UMAD1: variants seen among roughly 807,000 people sequenced by gnomAD.
UMAD1 encodes UBAP1-MVB12-associated (UMA)-domain containing protein 1.
A neutral mutation model predicts 6.1 loss-of-function variants in UMAD1; 8 were observed. That is an observed-to-expected ratio of 1.30 (90% confidence interval 0.76 to 2.35). UMAD1 has a LOEUF of 2.35. Among genes scored for constraint, UMAD1 ranks in the 30% most tolerant of loss-of-function variants. UMAD1 has a pLI of 0.00. For missense variants in UMAD1, 130 were observed against 78.4 expected (o/e 1.66, Z -2.49); for synonymous variants, 56 against 31.4 (o/e 1.78, Z -2.61).
At chr7:7,649,237 A>T (rs1225375932) in intron 1 of UMAD1, among the ~76,000 whole-genome samples, 1 of 151,966 alleles carries the variant, frequency 6.6e-6, no homozygotes, top group East Asian at 1.9e-4. Context: ...AGAGGCTTGG[A>T]TGTCCAAGGT....
intron 3 of UMAD1, among the ~76,000 whole-genome samples, chr7:7,848,517 C>T (rs1251253294): frequency 1.3e-5 from 2 of 152,028 alleles, no homozygotes. Flanking sequence ...AGGGTAGAGT[C>T]AAATAACACT....
chr7:7,748,158 A>AT (rs1236484751), intron 2 of UMAD1, among the ~76,000 whole-genome samples: 4 of 147,534 alleles, frequency 2.7e-5, no homozygotes, highest in Non-Finnish European at 4.4e-5. Flanking sequence ...GTTGGCCAGG[A>AT]TGGTCTTGAT....
intron 2 of UMAD1, among the ~76,000 whole-genome samples, chr7:7,777,843 C>T (rs1041233849): frequency 2.0e-5 from 3 of 152,046 alleles, no homozygotes; most frequent in East Asian, 3.9e-4. Flanking sequence ...TACCCATGTA[C>T]ACAGGGCTAT....
At chr7:7,829,282 C>T (rs1055650833) in intron 3 of UMAD1, among the ~76,000 whole-genome samples, 2 of 151,912 alleles carry the variant, frequency 1.3e-5, no homozygotes, top group African/African-American at 4.8e-5. Flanking sequence ...CATACCTGCA[C>T]TGAACAGCTA....
At chr7:7,782,511 C>G (rs1338560685) in intron 2 of UMAD1, among the ~76,000 whole-genome samples, 1 of 151,734 alleles carries the variant, frequency 6.6e-6, no homozygotes, top group East Asian at 1.9e-4. Flanking sequence ...AATTTTTTAT[C>G]AGTTTACTTT....
intron 2 of UMAD1, among the ~76,000 whole-genome samples, chr7:7,751,470 A>G (rs980111060): frequency 6.6e-6 from 1 of 152,246 alleles, no homozygotes; most frequent in Non-Finnish European, 1.5e-5. Flanking sequence ...CAATTTTGGC[A>G]GAAATGAGGA....
At chr7:7,789,430 T>C (rs1416288829) in intron 2 of UMAD1, among the ~76,000 whole-genome samples, 5 of 151,946 alleles carry the variant, frequency 3.3e-5, no homozygotes, top group Non-Finnish European at 7.3e-5. Flanking sequence ...AATTTATTGT[T>C]TTAAATAGAG....
At chr7:7,759,939 AT>A (rs1479395096) in intron 2 of UMAD1, among the ~76,000 whole-genome samples, 4 of 152,132 alleles carry the variant, frequency 2.6e-5, no homozygotes, top group Non-Finnish European at 4.4e-5. Context: ...ACACTCTCCC[AT>A]TGAAAAGTTG....
chr7:7,662,709 G>A (rs1488921239), intron 1 of UMAD1, among the ~76,000 whole-genome samples: 2 of 152,090 alleles, frequency 1.3e-5, no homozygotes, highest in African/African-American at 4.8e-5. Context: ...GAAATCTCCC[G>A]CCTTCTGTGT....
intron 2 of UMAD1, among the ~76,000 whole-genome samples, chr7:7,701,212 A>G (rs1780454958): frequency 1.3e-5 from 2 of 152,014 alleles, no homozygotes; most frequent in South Asian, 2.1e-4. Flanking sequence ...TATTTAAGGA[A>G]TGAACTGTAT....
At chr7:7,705,906 GA>G (rs1480848638) in intron 2 of UMAD1, among the ~76,000 whole-genome samples, 3 of 152,048 alleles carry the variant, frequency 2.0e-5, no homozygotes, top group Non-Finnish European at 4.4e-5. Context: ...AGTTATATGG[GA>G]ATTCTCTGTA....
chr7:7,730,069 G>A (rs1432986148), intron 2 of UMAD1, among the ~76,000 whole-genome samples: 1 of 151,966 alleles, frequency 6.6e-6, no homozygotes, highest in African/African-American at 2.4e-5. Flanking sequence ...CCCTTTTTCT[G>A]CCCTTGCTCC....
intron 2 of UMAD1, among the ~76,000 whole-genome samples, chr7:7,692,078 C>T (rs1173055890): frequency 6.6e-6 from 1 of 152,148 alleles, no homozygotes; most frequent in Non-Finnish European, 1.5e-5. Context: ...ACAGCTATTC[C>T]TCTTTACCCC....
intron 2 of UMAD1, among the ~76,000 whole-genome samples, chr7:7,796,547 G>A (rs1319696654): frequency 3.9e-5 from 6 of 151,988 alleles, no homozygotes; most frequent in East Asian, 1.9e-4. Flanking sequence ...CACCGTGCCC[G>A]GCCGACCCAT....
intron 2 of UMAD1, among the ~76,000 whole-genome samples, chr7:7,774,202 G>T (rs114899859): frequency 0.023 from 3,507 of 152,272 alleles, 134 homozygotes; most frequent in African/African-American, 0.079. Flanking sequence ...TGTAGAACAT[G>T]AGCAATGTTG....
intron 3 of UMAD1, among the ~76,000 whole-genome samples, chr7:7,835,500 T>TTTTTTTTTTTTTTTTTTTTTTTTTA (rs776524699): frequency 9.8e-6 from 1 of 102,444 alleles, no homozygotes. Flanking sequence ...TTTTTTTTTT[T>TTTTTTTTTTTTTTTTTTTTTTTTTA]AGCTCTTAGC....
At chr7:7,802,414 C>T (rs1256305493) in intron 3 of UMAD1, among the ~76,000 whole-genome samples, 3 of 151,734 alleles carry the variant, frequency 2.0e-5, no homozygotes, top group Non-Finnish European at 4.4e-5. Flanking sequence ...ATCCCGTTGC[C>T]TTACTAGTTC....
rs868463107 is a variant in UMAD1, at chr7:7,704,565, C to G, written c.82+31112C>G. ...AGTCAGGAGTTCAAGACTAGCCTGG[C>G]CAATATGGTGAAACCCTGTCTCTAC... On this transcript the variant is annotated intron_variant, in intron 2 of 3. Coordinates refer to ENST00000682710, the MANE Select transcript of UMAD1 (RefSeq NM_001302348.2). Among the ~76,000 whole-genome samples, 162 of 146,164 alleles carry G rather than the reference C, an allele frequency of 1.1e-3. 1 individual carries two copies. The Middle Eastern group carries it at 0.014, about 13-fold the overall frequency.
intron 2 of UMAD1, among the ~76,000 whole-genome samples, chr7:7,702,873 T>C (rs759229477): frequency 1.3e-5 from 2 of 152,194 alleles, no homozygotes; most frequent in Non-Finnish European, 1.5e-5. Flanking sequence ...TGATGAACAG[T>C]TATTGCTTCA....
Sources: gnomAD v4.1 joint callset for allele counts (sites outside exome capture counted in the v4.1 genomes callset) on GRCh38, gnomAD v4.1.1 for gene constraint, MANE v1.5 for transcripts, NCBI Gene and HGNC (gene_info 2026-07-23, HGNC 2026-07-21) for gene names.